HYCC2: variants seen among roughly 807,000 people sequenced by gnomAD.
HYCC2 encodes the protein hyccin PI4KA lipid kinase complex subunit 2.
chr2:200,978,491 T>C, the HYCC2 span: 47 of 124,548 alleles, frequency 3.8e-4, no homozygotes, highest in South Asian at 6.3e-3. Context: ...TTTTTTTTTT[T>C]CAGAGATGGA....
chr2:200,990,579 C>CT, the HYCC2 span, among the ~76,000 whole-genome samples: 51 of 143,838 alleles, frequency 3.5e-4, no homozygotes, highest in Admixed American at 4.2e-4. Flanking sequence ...ATTTTTTTTT[C>CT]TTTTTTTTTT....
At chr2:201,017,756 G>C in the HYCC2 span, among the ~76,000 whole-genome samples, 3 of 152,220 alleles carry the variant, frequency 2.0e-5, no homozygotes, top group South Asian at 2.1e-4. Context: ...TAAATCATTT[G>C]TTACTTAAAT....
chr2:201,018,290 A>C, the HYCC2 span, among the ~76,000 whole-genome samples: 1 of 152,168 alleles, frequency 6.6e-6, no homozygotes, highest in Non-Finnish European at 1.5e-5. Flanking sequence ...CTATGACTTT[A>C]AAATTCATAT....
the HYCC2 span, among the ~76,000 whole-genome samples, chr2:201,034,179 A>G: frequency 2.0e-5 from 3 of 152,226 alleles, no homozygotes; most frequent in South Asian, 2.1e-4. Flanking sequence ...TCCCAACTCT[A>G]TAAAAATACT....
chr2:201,030,366 G>A, the HYCC2 span, among the ~76,000 whole-genome samples: 2 of 150,528 alleles, frequency 1.3e-5, no homozygotes, highest in Admixed American at 6.6e-5. Flanking sequence ...ATAGATGCCC[G>A]TAAAAAAAAA....
the HYCC2 span, among the ~76,000 whole-genome samples, chr2:201,005,412 AT>A: frequency 1.3e-5 from 2 of 151,104 alleles, no homozygotes; most frequent in African/African-American, 4.9e-5. Flanking sequence ...TCACCTCAAC[AT>A]TTTTTTTTCC....
At chr2:201,000,445 G>A in the HYCC2 span, among the ~76,000 whole-genome samples, 13 of 152,264 alleles carry the variant, frequency 8.5e-5, no homozygotes, top group African/African-American at 2.6e-4. Flanking sequence ...GGAAAAAAAT[G>A]TATGTGTATT....
At chr2:201,053,188 T>C in the HYCC2 span, among the ~76,000 whole-genome samples, 1 of 151,790 alleles carries the variant, frequency 6.6e-6, no homozygotes, top group Non-Finnish European at 1.5e-5. Flanking sequence ...AATGGCGCAA[T>C]CTCCAGTCAC....
chr2:200,974,433 C>CT, the HYCC2 span: 1 of 151,926 alleles, frequency 6.6e-6, no homozygotes, highest in Admixed American at 6.6e-5. Flanking sequence ...CACTTAACCA[C>CT]TTAAACTGAA....
At chr2:201,070,951 C>T in the HYCC2 span, among the ~76,000 whole-genome samples, 10 of 152,136 alleles carry the variant, frequency 6.6e-5, no homozygotes, top group Admixed American at 2.0e-4. Context: ...ATAAGCTCTT[C>T]GTGACTACTC....
the HYCC2 span, among the ~76,000 whole-genome samples, chr2:201,010,609 C>T: frequency 1.1e-4 from 17 of 152,174 alleles, no homozygotes; most frequent in African/African-American, 4.1e-4. Context: ...ACCTAGAATA[C>T]AGCAATTAGA....
At chr2:200,986,161 T>A in the HYCC2 span, among the ~76,000 whole-genome samples, 1 of 152,162 alleles carries the variant, frequency 6.6e-6, no homozygotes, top group African/African-American at 2.4e-5. Context: ...ATTTAAAGGA[T>A]CTCTCAAACA....
At chr2:200,991,066 A>G in the HYCC2 span, among the ~76,000 whole-genome samples, 1 of 152,176 alleles carries the variant, frequency 6.6e-6, no homozygotes, top group Non-Finnish European at 1.5e-5. Context: ...TTTGTGGGAG[A>G]GTACAAAATC....
the HYCC2 span, chr2:201,008,882 G>T: frequency 1.2e-6 from 1 of 811,548 alleles, no homozygotes. Context: ...CAGCCTGGGT[G>T]ACAGAGTGAG....
At chr2:200,981,525 G>T in the HYCC2 span, 1 of 1,614,220 alleles carries the variant, frequency 6.2e-7, no homozygotes, top group Non-Finnish European at 8.5e-7. This position sits in a 1 kb window ranked among gnomAD's most constrained non-coding sequence, Gnocchi z 4.5. Flanking sequence ...TGGCTGTCCG[G>T]ATTAGACTTA....
At chr2:201,043,569 C>T in the HYCC2 span, among the ~76,000 whole-genome samples, 4,216 of 147,258 alleles carry the variant, frequency 0.029, 214 homozygotes, top group African/African-American at 0.1. Flanking sequence ...AGTGCAGTGG[C>T]GTGATCTCAG....
chr2:200,992,710 G>A, the HYCC2 span, among the ~76,000 whole-genome samples: 1 of 152,080 alleles, frequency 6.6e-6, no homozygotes, highest in African/African-American at 2.4e-5. Context: ...TTAATGACTA[G>A]TTATGTTATA....
chr2:201,067,128 T>A, the HYCC2 span: 1 of 239,178 alleles, frequency 4.2e-6, no homozygotes, highest in Non-Finnish European at 8.5e-6. Flanking sequence ...AGAAGAAGGC[T>A]TATGTTTGAC....
At chr2:201,009,648 C>T in the HYCC2 span, among the ~76,000 whole-genome samples, 367 of 152,106 alleles carry the variant, frequency 2.4e-3, 1 homozygote, top group African/African-American at 8.1e-3. Context: ...TTAGTAGAGA[C>T]GCGGTTTCGC....
Sources: gnomAD v4.1 joint callset for allele counts (sites outside exome capture counted in the v4.1 genomes callset) on GRCh38, gnomAD v4.1.1 for gene constraint, Gnocchi (gnomAD v3.1) non-coding constraint, MANE v1.5 for transcripts, NCBI Gene and HGNC (gene_info 2026-07-23, HGNC 2026-07-21) for gene names.